FAM20C: variants seen among roughly 807,000 people sequenced by gnomAD.
FAM20C encodes extracellular serine/threonine protein kinase FAM20C.
FAM20C carries 40 observed loss-of-function variants against 51.5 expected under a neutral mutation model. The ratio of observed to expected loss-of-function variants is 0.78; its 90% CI spans 0.60 to 1.01. The LOEUF (loss-of-function observed/expected upper bound fraction) is 1.01. Among genes scored for constraint, FAM20C ranks in the 50% least tolerant of loss-of-function variants. The pLI is 0.00. For missense variants in FAM20C, 861 were observed against 844.7 expected (o/e 1.02, Z -0.24); for synonymous variants, 406 against 380.6 (o/e 1.07, Z -0.78).
chr7:213,216 C>T (rs62430293), intron 3 of FAM20C, among the ~76,000 whole-genome samples: 22 of 131,920 alleles, frequency 1.7e-4, no homozygotes, highest in South Asian at 8.1e-4. Context: ...AGTGTGTAGT[C>T]CTTTGTGAGT....
At chr7:217,517 C>T (rs1583302579) in intron 3 of FAM20C, among the ~76,000 whole-genome samples, 1 of 36,352 alleles carries the variant, frequency 2.8e-5, no homozygotes, top group African/African-American at 1.0e-4. Context: ...GAGATGGTGG[C>T]CTCGGGCTTG....
rs1316993591 is a variant in FAM20C, at chr7:193,544, G to C, written c.345G>C (p.Glu115Asp). ...HSLEKLPPAA[E>D]PAERALRGRD... ...TGGAGAAACTGCCGCCCGCGGCCGAGCCGGCCGAGCGCGCCTTGCGGGGGC... is the reference window on the plus strand; with the variant it reads ...TGGAGAAACTGCCGCCCGCGGCCGACCCGGCCGAGCGCGCCTTGCGGGGGC... The change falls in exon 1 of 10, where the codon GAG becomes GAC. Residue 115 changes from glutamate to aspartate, a missense_variant. Physicochemically the swap from Glu to Asp is conservative, Grantham distance 45. Around this residue, in one of 3 missense-constraint regions of FAM20C, gnomAD observed 561 missense variants for 499.8 expected, o/e 1.12. Transcript: ENST00000313766. 3 of 1,495,108 alleles carry C rather than the reference G, an allele frequency of 2.0e-6. No individual in the cohort carries two copies. The highest frequency in any genetic ancestry group is 2.2e-5 in the Admixed American group (1 of 45,602). 92.6% of individuals were successfully genotyped at this position (1,495,108 alleles called of 1,614,324 possible). A position where few individuals can be genotyped will look rare whatever the true frequency, so the allele number is the denominator to read the frequency against.
chr7:207,649 C>T (rs142119993), intron 2 of FAM20C, among the ~76,000 whole-genome samples: 62 of 152,360 alleles, frequency 4.1e-4, no homozygotes, highest in Middle Eastern at 3.4e-3. Flanking sequence ...GGCTCTTGTT[C>T]GGGCCCGTGA....
At position 200,023 on chromosome 7, in the gene FAM20C, A is replaced by G. The variant is rs924036867; in HGVS notation, c.784+4291A>G. ...AGTTCTTGACACTGATTGATCTGCC[A>G]AAAGGGGAAGAATGAGTCCAGCTAG... On this transcript the variant is annotated intron_variant, in intron 2 of 9. Coordinates refer to ENST00000313766, the MANE Select transcript of FAM20C (RefSeq NM_020223.4). Among the ~76,000 whole-genome samples, 15 of 152,336 alleles carry G rather than the reference A, an allele frequency of 9.8e-5. No homozygotes were observed. The East Asian group carries it at 1.2e-3, about 12-fold the overall frequency.
At chr7:248,178 G>C (rs967930301) in intron 4 of FAM20C, 137 bp from the exon 5 acceptor site, 2 of 610,616 alleles carry the variant, frequency 3.3e-6, no homozygotes, top group Non-Finnish European at 5.7e-6. Context: ...GGGTTTATTC[G>C]GAGGCAGGGA....
intron 5 of FAM20C, among the ~76,000 whole-genome samples, chr7:250,453 T>TG (rs1049911105): frequency 1.4e-4 from 21 of 152,110 alleles, no homozygotes; most frequent in Admixed American, 7.2e-4. Context: ...AACCTGAGCG[T>TG]GGGGGTCTTT....
intron 5 of FAM20C, 76 bp from the exon 6 acceptor site, chr7:255,773 C>T: frequency 1.3e-6 from 2 of 1,496,156 alleles, no homozygotes; most frequent in Non-Finnish European, 1.8e-6. Context: ...CCCGGCCCGG[C>T]CTTGGGGGCC....
intron 7 of FAM20C, 107 bp from the exon 8 acceptor site, chr7:256,898 A>G (rs1788611375): frequency 7.0e-7 from 1 of 1,424,046 alleles, no homozygotes; most frequent in Non-Finnish European, 9.6e-7. Flanking sequence ...CAGATTGCTT[A>G]GAGGTCACGC....
intron 3 of FAM20C, among the ~76,000 whole-genome samples, chr7:217,406 C>T (rs1049016613): frequency 6.6e-6 from 1 of 152,280 alleles, no homozygotes; most frequent in Non-Finnish European, 1.5e-5. Flanking sequence ...CTCCCGGGTG[C>T]CCCCCTTTAG....
chr7:212,074 T>G (rs1786745704), intron 3 of FAM20C, among the ~76,000 whole-genome samples: 1 of 152,190 alleles, frequency 6.6e-6, no homozygotes, highest in Non-Finnish European at 1.5e-5. Flanking sequence ...GCCTGGGGGA[T>G]GATCGTTTCT....
intron 5 of FAM20C, among the ~76,000 whole-genome samples, chr7:252,374 T>C (rs1242383251): frequency 6.8e-6 from 1 of 147,058 alleles, no homozygotes; most frequent in African/African-American, 2.5e-5. Context: ...CTGAGCCCAC[T>C]GTAGACACCC....
At chr7:231,869 T>C (rs577148291) in intron 3 of FAM20C, among the ~76,000 whole-genome samples, 166 of 152,224 alleles carry the variant, frequency 1.1e-3, no homozygotes, top group African/African-American at 3.6e-3. Flanking sequence ...GGCCTCAGTT[T>C]CCCATCTGTG....
intron 3 of FAM20C, among the ~76,000 whole-genome samples, chr7:235,663 C>T (rs1047995364): frequency 2.1e-4 from 32 of 152,222 alleles, no homozygotes; most frequent in Admixed American, 6.5e-5. Flanking sequence ...GTGGGGCCCG[C>T]GGCCTTGGAG....
chr7:210,577 G>A (rs1382673887), intron 3 of FAM20C, among the ~76,000 whole-genome samples: 2 of 152,210 alleles, frequency 1.3e-5, no homozygotes, highest in East Asian at 3.9e-4. Context: ...CACGGCTGGG[G>A]GAGGCAGACT....
intron 3 of FAM20C, among the ~76,000 whole-genome samples, chr7:217,403 G>C: frequency 6.6e-6 from 1 of 152,278 alleles, no homozygotes; most frequent in Non-Finnish European, 1.5e-5. Flanking sequence ...CCCCTCCCGG[G>C]TGCCCCCCTT....
In FAM20C at chr7:230,420, T is replaced by C. The variant is rs547403679; in HGVS notation, c.864-15995T>C. ...CCGTGGCTTAAAGTGCCCCTGTCTG[T>C]GGTTATTTATTACAGCAGAGCCTCG... On this transcript the variant is annotated intron_variant, in intron 3 of 9. Transcript: ENST00000313766. Among the ~76,000 whole-genome samples the C allele has an allele frequency of 1.0e-3, 137 of 136,092 alleles. 2 individuals are homozygous for C. The highest frequency in any genetic ancestry group is 1.7e-3 in the Non-Finnish European group (110 of 62,888). The allele number at this position is 136,092 out of a possible 152,430, so 89.3% of individuals were successfully genotyped here. A position where few individuals can be genotyped will look rare whatever the true frequency, so the allele number is the denominator to read the frequency against.
Position 257,064 on chromosome 7 carries a change from A to G in FAM20C, c.1423A>G (p.Ile475Val), listed in dbSNP as rs1390471078. Residue 475 changes from isoleucine to valine, a missense_variant, in exon 8 of 10, where the codon ATC becomes GTC. Transcript: ENST00000313766. ...GAAGTTTGGGAATGAAACGTTCATC[A>G]TCCACTTAGACAATGGAAGAGGGTG... ...FEKFGNETFI[I>V]HLDNGRGFGK... The G allele has an allele frequency of 6.5e-7, 1 of 1,536,952 alleles. No homozygotes were observed. The highest frequency in any genetic ancestry group is 1.4e-5 in the African/African-American group (1 of 73,030).
rs972256876 is a variant in FAM20C at position 248,329 on chromosome 7, G to A, written c.971G>A (p.Arg324His). ...AFHLDRILDF[R>H]RVPPVAGRMV... ...TTTCTTGCCAGGATCCTGGACTTCCGCCGGGTCCCTCCCGTGGCCGGCAGG... is the reference window on the plus strand; with the variant it reads ...TTTCTTGCCAGGATCCTGGACTTCCACCGGGTCCCTCCCGTGGCCGGCAGG... Residue 324 changes from arginine (R) to histidine (H), a missense_variant, in exon 5 of 10, where the codon CGC (arginine) becomes CAC (histidine). By Grantham distance (29) the Arg-to-His change is conservative (BLOSUM62 0). Coordinates refer to ENST00000313766, the MANE Select transcript of FAM20C (RefSeq NM_020223.4). 67 of 1,536,794 alleles carry A rather than the reference G, an allele frequency of 4.4e-5. No individual in the cohort carries two copies. Among genetic ancestry groups the A allele is most frequent in the East Asian group, 1.5e-4 (6 of 40,912 alleles).
intron 3 of FAM20C, among the ~76,000 whole-genome samples, chr7:230,440 G>A (rs1735007416): frequency 6.7e-6 from 1 of 149,140 alleles, no homozygotes. Context: ...TTACAGCAGA[G>A]CCTCGTGGCT....
Sources: allele counts gnomAD v4.1 joint callset (sites outside exome capture counted in the v4.1 genomes callset), GRCh38; gene constraint gnomAD v4.1.1; regional missense constraint gnomAD v4.1.1; transcripts MANE v1.5; gene names NCBI Gene and HGNC (gene_info 2026-07-23, HGNC 2026-07-21).